The following CCDC171 variants were observed in gnomAD, a reference collection of about 807,000 sequenced individuals.
The protein encoded by CCDC171 is coiled-coil domain-containing protein 171.
CCDC171 carries 177 observed loss-of-function variants against 168.2 expected under a neutral mutation model. That is an observed-to-expected ratio of 1.05 (90% CI 0.93 to 1.19). The LOEUF is 1.19. Ranked by LOEUF, CCDC171 falls within the 50% of genes most tolerant of loss-of-function variation. The pLI is 0.00. For missense variants in CCDC171, 1,991 were observed against 1,539.0 expected (o/e 1.29, Z -4.91); for synonymous variants, 687 against 540.8 (o/e 1.27, Z -3.75).
chr9:15,672,602 T>C (rs2049202554), intron 9 of CCDC171, among the ~76,000 whole-genome samples: 1 of 152,236 alleles, frequency 6.6e-6, no homozygotes, highest in African/African-American at 2.4e-5. Context: ...ATTTATTAAA[T>C]AGGGAATCCT....
intron 25 of CCDC171, among the ~76,000 whole-genome samples, chr9:15,939,758 T>C (rs1827514456): frequency 6.6e-6 from 1 of 151,868 alleles, no homozygotes; most frequent in Admixed American, 6.6e-5. Flanking sequence ...TGCATTCTGC[T>C]GCTTAAAAAT....
At chr9:15,986,029 G>C (rs994295302) in intron 3 of CCDC171, among the ~76,000 whole-genome samples, 6 of 152,144 alleles carry the variant, frequency 3.9e-5, no homozygotes, top group Non-Finnish European at 8.8e-5. Flanking sequence ...GAACAAGAAG[G>C]CATAACTTCG....
chr9:15,906,592 A>T (rs150611185), intron 24 of CCDC171, among the ~76,000 whole-genome samples: 1,539 of 152,278 alleles, frequency 0.01, 29 homozygotes, highest in African/African-American at 0.035. Flanking sequence ...AACTGGAAGC[A>T]TTCCCTCTGA....
Position 15,677,904 on chromosome 9 carries a change from ATATATATATATATATATATAT to A in CCDC171, c.1077-853_1077-833del, listed in dbSNP as rs1160178544. Among the ~76,000 whole-genome samples, 14 of 22,266 alleles carry A rather than the reference ATATATATATATATATATATAT, an allele frequency of 6.3e-4. 2 individuals carry two copies. In the East Asian group the frequency reaches 0.016, roughly 26 times the overall value. The allele number at this position is 22,266 out of a possible 152,430, so 14.6% of individuals were successfully genotyped here. ...CATATATATATATATATATATATAT[ATATATATATATATATATATAT>A]AAGAGATGTGGTCTCATTCTGTTAC... On this transcript the variant is annotated intron_variant, in intron 9 of 25. Coordinates refer to ENST00000380701, the MANE Select transcript of CCDC171 (RefSeq NM_173550.4).
At chr9:15,957,536 A>G (rs1589246100) in intron 25 of CCDC171, among the ~76,000 whole-genome samples, 1 of 152,326 alleles carries the variant, frequency 6.6e-6, no homozygotes, top group East Asian at 1.9e-4. Context: ...TGATTGAACA[A>G]AAGATGCTAA....
intron 21 of CCDC171, chr9:15,845,850 A>T (rs1263614959): frequency 6.6e-6 from 1 of 152,090 alleles, no homozygotes; most frequent in Admixed American, 6.6e-5. Flanking sequence ...GTATCCTAGA[A>T]TTTTAACTGA....
chr9:15,882,137 C>T (rs961394849), intron 24 of CCDC171, among the ~76,000 whole-genome samples: 9 of 152,002 alleles, frequency 5.9e-5, no homozygotes, highest in Non-Finnish European at 1.2e-4. Context: ...AAATTTTAAC[C>T]GGGGTGAGAT....
intron 23 of CCDC171, among the ~76,000 whole-genome samples, chr9:15,849,909 G>A (rs909653691): frequency 2.0e-5 from 3 of 151,264 alleles, no homozygotes; most frequent in African/African-American, 7.3e-5. Flanking sequence ...TTTATATTTT[G>A]ACAGTGACCA....
At chr9:15,604,846 A>G (rs560891977) in intron 6 of CCDC171, among the ~76,000 whole-genome samples, 7 of 152,348 alleles carry the variant, frequency 4.6e-5, no homozygotes, top group African/African-American at 1.4e-4. Flanking sequence ...ATAGTATGCA[A>G]ATACACACAG....
chr9:15,574,356 G>A (rs933292862), intron 3 of CCDC171, among the ~76,000 whole-genome samples: 2 of 151,766 alleles, frequency 1.3e-5, no homozygotes, highest in Non-Finnish European at 2.9e-5. Context: ...TCTTGGCCAG[G>A]CTGGTCTCGA....
intron 18 of CCDC171, among the ~76,000 whole-genome samples, chr9:15,748,555 G>A (rs1315658255): frequency 1.3e-5 from 2 of 152,140 alleles, no homozygotes; most frequent in Non-Finnish European, 2.9e-5. Context: ...AGGAAAAAAT[G>A]TTAAGGACAG....
rs144491191 is a variant in CCDC171 at position 15,781,153 on chromosome 9, A to C, written c.3081+2003A>C. Among the ~76,000 whole-genome samples, 211 of 152,332 alleles carry C rather than the reference A, an allele frequency of 1.4e-3. 2 individuals carry two copies. Among genetic ancestry groups the C allele is most frequent in the Middle Eastern group, 6.8e-3 (2 of 294 alleles). On this transcript the variant is annotated intron_variant, in intron 20 of 25. Transcript: ENST00000380701. ...CCTGGAATATATACGAAGAATTCTA[A>C]ATATTCTACACAATTTGATTTCCTA...
intron 3 of CCDC171, among the ~76,000 whole-genome samples, chr9:16,004,515 A>G (rs1832643318): frequency 6.6e-6 from 1 of 152,122 alleles, no homozygotes; most frequent in African/African-American, 2.4e-5. Flanking sequence ...TCAACCTTGC[A>G]TTGATTTTGT....
intron 7 of CCDC171, among the ~76,000 whole-genome samples, chr9:15,644,227 G>C (rs1040381532): frequency 1.3e-5 from 2 of 152,070 alleles, no homozygotes; most frequent in Non-Finnish European, 1.5e-5. Flanking sequence ...TTTTCTTCCA[G>C]TATTTTCTGT....
Position 15,723,412 on chromosome 9 carries a change from G to A in CCDC171, c.1426-269G>A, listed in dbSNP as rs144605811. The stretch of plus-strand genomic sequence containing the variant: ...TAAGAATGAAATCCTTTATCTGGAC[G>A]TGTGGTAAAAATATAGTAACATAAG... On this transcript the variant is annotated intron_variant, in intron 12 of 25. Transcript: ENST00000380701. 5.3e-3 allele frequency among the ~76,000 whole-genome samples: 803 copies of A among 152,236 alleles called. 9 individuals carry two copies. The highest frequency in any genetic ancestry group is 0.018 in the African/African-American group (751 of 41,552).
intron 16 of CCDC171, among the ~76,000 whole-genome samples, chr9:15,741,447 A>G (rs2054875062): frequency 6.6e-6 from 1 of 152,096 alleles, no homozygotes; most frequent in Non-Finnish European, 1.5e-5. Context: ...ATGTTGTACC[A>G]TGTATTAGTA....
chr9:15,840,563 G>C (rs2060635492), intron 21 of CCDC171, among the ~76,000 whole-genome samples: 1 of 152,100 alleles, frequency 6.6e-6, no homozygotes, highest in South Asian at 2.1e-4. Context: ...TGTTATAGCA[G>C]CATCATGATG....
intron 16 of CCDC171, among the ~76,000 whole-genome samples, chr9:15,732,667 T>C (rs1418407277): frequency 6.6e-6 from 1 of 152,192 alleles, no homozygotes; most frequent in Non-Finnish European, 1.5e-5. Context: ...ATTGTATGGC[T>C]GTAAAATTTT....
At chr9:15,726,517 G>C (rs1588156529) in intron 14 of CCDC171, among the ~76,000 whole-genome samples, 1 of 152,132 alleles carries the variant, frequency 6.6e-6, no homozygotes, top group Non-Finnish European at 1.5e-5. Context: ...TAATGCAAAA[G>C]TCATCATTAA....
Sources: gnomAD v4.1 joint callset for allele counts (sites outside exome capture counted in the v4.1 genomes callset) on GRCh38, gnomAD v4.1.1 for gene constraint, MANE v1.5 for transcripts, NCBI Gene and HGNC (gene_info 2026-07-23, HGNC 2026-07-21) for gene names.